CDH4: variants seen among roughly 807,000 people sequenced by gnomAD.
CDH4 encodes cadherin 4, also known as cadherin-4.
A neutral mutation model predicts 86.0 loss-of-function variants in CDH4; 33 were observed. The observed-to-expected ratio is 0.38, with a 90% CI of 0.29 to 0.51. The LOEUF (loss-of-function observed/expected upper bound fraction) is 0.51. Among genes scored for constraint, CDH4 ranks in the 20% least tolerant of loss-of-function variants. CDH4 has a pLI of 0.86. For synonymous variants in CDH4, 555 were observed against 549.4 expected (o/e 1.01, Z -0.14); for missense variants, 1,114 against 1,307.4 (o/e 0.85, Z 2.28).
intron 2 of CDH4, among the ~76,000 whole-genome samples, chr20:61,636,596 C>G (rs1022280057): frequency 6.6e-6 from 1 of 152,214 alleles, no homozygotes; most frequent in East Asian, 1.9e-4. Flanking sequence ...TCTATCTTTG[C>G]GAGGCTCTGG....
intron 2 of CDH4, among the ~76,000 whole-genome samples, chr20:61,305,211 C>T (rs1245020179): frequency 3.3e-5 from 5 of 151,974 alleles, no homozygotes. Flanking sequence ...TATAAACCTG[C>T]CTTTTTGTTT....
intron 2 of CDH4, among the ~76,000 whole-genome samples, chr20:61,610,829 C>T (rs1248693614): frequency 1.3e-5 from 2 of 152,184 alleles, no homozygotes; most frequent in Admixed American, 6.5e-5. Context: ...ACCCCTGCAG[C>T]CATCTCAGCA....
intron 2 of CDH4, among the ~76,000 whole-genome samples, chr20:61,648,704 C>T (rs111843472): frequency 2.0e-5 from 3 of 152,132 alleles, no homozygotes; most frequent in African/African-American, 7.2e-5. Flanking sequence ...AGGCGCGCTC[C>T]CAGGGTTCAT....
chr20:61,656,623 C>T (rs965887360), intron 2 of CDH4, among the ~76,000 whole-genome samples: 1 of 152,170 alleles, frequency 6.6e-6, no homozygotes, highest in African/African-American at 2.4e-5. Context: ...GGCCTCTGGG[C>T]TCCACAGCCA....
Position 61,568,533 on chromosome 20 carries a change from G to A in CDH4, c.170-175030G>A, listed in dbSNP as rs185507484. Among the ~76,000 whole-genome samples the A allele has an allele frequency of 8.4e-4, 128 of 152,314 alleles. 1 individual carries two copies. The highest frequency in any genetic ancestry group is 7.5e-3 in the South Asian group (36 of 4,826). On this transcript the variant is annotated intron_variant, in intron 2 of 15. Coordinates refer to ENST00000614565, the MANE Select transcript of CDH4 (RefSeq NM_001794.5). ...ATTAGCAGCGTGGGAACTGACTAGC[G>A]CATATAGCCAGACACGTGGATCTTT...
chr20:61,713,704 C>T (rs1815206176), intron 2 of CDH4, among the ~76,000 whole-genome samples: 2 of 152,244 alleles, frequency 1.3e-5, no homozygotes, highest in Non-Finnish European at 2.9e-5. Flanking sequence ...TATGAGCCTC[C>T]GTTTCCCCAT....
intron 4 of CDH4, among the ~76,000 whole-genome samples, chr20:61,790,752 TTATCTATCCATC>T (rs1568817565): frequency 6.8e-6 from 1 of 146,484 alleles, no homozygotes. Context: ...CTCCATCCAT[TTATCTATCCATC>T]TATCCATTCA....
intron 2 of CDH4, among the ~76,000 whole-genome samples, chr20:61,622,505 G>A (rs555764327): frequency 2.4e-4 from 37 of 152,376 alleles, no homozygotes; most frequent in Non-Finnish European, 4.1e-4. Context: ...AGACACTTGT[G>A]GCCCATGCCA....
chr20:61,536,261 G>A lies in CDH4; in HGVS notation c.170-207302G>A, dbSNP rs375109387. Among the ~76,000 whole-genome samples the A allele has an allele frequency of 1.8e-4, 28 of 152,296 alleles. No homozygotes were observed. The East Asian group carries it at 3.3e-3, about 18-fold the overall frequency. On this transcript the variant is annotated intron_variant, in intron 2 of 15. Transcript: ENST00000614565. The stretch of plus-strand genomic sequence containing the variant: ...AGCCGTGGCTCCCCTCCTGCCCCCC[G>A]AACCCAGAAGTCCCTAAGCACTTGG...
chr20:61,869,440 C>A lies in CDH4; in HGVS notation c.878-4288C>A, dbSNP rs1375407423. On this transcript the variant is annotated intron_variant, in intron 6 of 15. Transcript: ENST00000614565. The stretch of plus-strand genomic sequence containing the variant: ...GACATACATACTGTCCAGCCCTTTA[C>A]AGAAAGTGTCTGCTGGACCCTGGAG... 2.6e-5 allele frequency among the ~76,000 whole-genome samples: 4 copies of A among 152,220 alleles called. No homozygotes were observed. The East Asian group carries it at 7.7e-4, about 29-fold the overall frequency.
intron 2 of CDH4, among the ~76,000 whole-genome samples, chr20:61,612,952 G>A (rs1294876571): frequency 2.6e-5 from 4 of 151,944 alleles, no homozygotes; most frequent in Admixed American, 2.6e-4. Context: ...CATCATCTCT[G>A]TGTTGTGTAC....
intron 2 of CDH4, among the ~76,000 whole-genome samples, chr20:61,742,455 G>A (rs7267604): frequency 0.064 from 9,801 of 152,268 alleles, 446 homozygotes; most frequent in South Asian, 0.2. Flanking sequence ...AGGTGAATGC[G>A]AGGGGAAAAC....
chr20:61,494,934 G>A (rs186597942), intron 2 of CDH4, among the ~76,000 whole-genome samples: 45 of 152,352 alleles, frequency 3.0e-4, no homozygotes, highest in Admixed American at 4.6e-4. Context: ...ACTCTTTGGC[G>A]TGGGCCCTCC....
chr20:61,771,638 A>G (rs1272972442), intron 3 of CDH4, among the ~76,000 whole-genome samples: 5 of 150,842 alleles, frequency 3.3e-5, no homozygotes, highest in Non-Finnish European at 7.4e-5. Context: ...AAAAAAAAAA[A>G]GGAAAAAATG....
chr20:61,883,941 C>G (rs949701737), intron 7 of CDH4, among the ~76,000 whole-genome samples: 1 of 152,170 alleles, frequency 6.6e-6, no homozygotes, highest in African/African-American at 2.4e-5. Flanking sequence ...TCCCCACCCC[C>G]CAACCCCCGT....
chr20:61,850,894 C>T (rs989514469), intron 5 of CDH4, among the ~76,000 whole-genome samples: 5 of 152,256 alleles, frequency 3.3e-5, no homozygotes, highest in South Asian at 2.1e-4. Context: ...ACACAGGCCA[C>T]GGGCAGAGGC....
intron 2 of CDH4, among the ~76,000 whole-genome samples, chr20:61,620,170 A>AGGGATGGGTGGGTGGG (rs1352143303): frequency 1.8e-5 from 1 of 54,480 alleles, no homozygotes; most frequent in East Asian, 9.5e-4. Flanking sequence ...GGATGGATGG[A>AGGGATGGGTGGGTGGG]TGGATGGGTG....
At chr20:61,506,489 C>T (rs1166759571) in intron 2 of CDH4, among the ~76,000 whole-genome samples, 2 of 152,216 alleles carry the variant, frequency 1.3e-5, no homozygotes, top group African/African-American at 4.8e-5. Context: ...ATCGTATCCA[C>T]ATTATTATTA....
rs1272284442 is a variant in CDH4, at chr20:61,510,187, C to T, written c.170-233376C>T. Among the ~76,000 whole-genome samples the T allele has an allele frequency of 2.6e-5, 4 of 152,168 alleles. No individual in the cohort carries two copies. Among genetic ancestry groups the T allele is most frequent in the African/African-American group, 9.7e-5 (4 of 41,430 alleles). The stretch of plus-strand genomic sequence containing the variant: ...TTCAACCCGGAAATTTAGTGATTTG[C>T]AATATGCCAGCATCTATGCGCTCAG... On this transcript the variant is annotated intron_variant, in intron 2 of 15. Coordinates refer to ENST00000614565, the MANE Select transcript of CDH4 (RefSeq NM_001794.5). This position sits in a 1 kb window ranked among gnomAD's most constrained non-coding sequence, Gnocchi z 4.2.
Sources: allele counts gnomAD v4.1 joint callset (sites outside exome capture counted in the v4.1 genomes callset), GRCh38; gene constraint gnomAD v4.1.1; non-coding constraint Gnocchi (gnomAD v3.1); transcripts MANE v1.5; gene names NCBI Gene and HGNC (gene_info 2026-07-23, HGNC 2026-07-21).